B9D2: variants seen among roughly 807,000 people sequenced by gnomAD.
B9D2 encodes B9 domain containing 2.
A neutral mutation model predicts 19.2 loss-of-function variants in B9D2; 21 were observed. That is an observed-to-expected ratio of 1.09 (90% CI 0.78 to 1.58). The LOEUF (loss-of-function observed/expected upper bound fraction) is 1.58. Among genes scored for constraint, B9D2 ranks in the 40% most tolerant of loss-of-function variants. B9D2 has a pLI of 0.00. For synonymous variants in B9D2, 91 were observed against 100.6 expected (o/e 0.90, Z 0.57); for missense variants, 221 against 244.3 (o/e 0.90, Z 0.64).
In B9D2 at chr19:41,354,683, G is replaced by A. The variant is rs763605379; in HGVS notation, c.*17C>T. On this transcript the variant is annotated 3_prime_UTR_variant, in exon 4 of 4. Transcript: ENST00000243578. ...TGTCCGGGGTGTGGATGGTGGTGAC[G>A]TTGGAGGCAGAGTCCCTCAGCACTC... The A allele has an allele frequency of 2.1e-5, 34 of 1,613,802 alleles. No homozygotes were observed. The highest frequency in any genetic ancestry group is 2.4e-5 in the Non-Finnish European group (28 of 1,179,972).
intron 2 of B9D2, among the ~76,000 whole-genome samples, chr19:41,360,631 G>A (rs900415481): frequency 6.6e-6 from 1 of 151,888 alleles, no homozygotes; most frequent in Admixed American, 6.6e-5. Context: ...TCAGCCTCTC[G>A]AGTAGCTGGG....
chr19:41,363,287 A>G, intron 2 of B9D2, 145 bp downstream of exon 2: 2 of 803,930 alleles, frequency 2.5e-6, no homozygotes, highest in Non-Finnish European at 2.1e-6. Context: ...CTTGAGACTC[A>G]TGTGGACAGG....
At chr19:41,359,878 CCCCT>C (rs1415914239) in intron 2 of B9D2, among the ~76,000 whole-genome samples, 2 of 151,964 alleles carry the variant, frequency 1.3e-5, no homozygotes, top group Non-Finnish European at 2.9e-5. Flanking sequence ...GGCTCTTGCT[CCCCT>C]CCCTGAGTTC....
In B9D2 at chr19:41,357,872, A is replaced by C. The variant is rs11668109; in HGVS notation, c.214+25T>G. The C allele has an allele frequency of 0.66, 1,067,234 of 1,612,956 alleles. 362,400 individuals carry two copies. The highest frequency in any genetic ancestry group is 0.71 in the African/African-American group (52,937 of 74,912). On this transcript the variant is annotated intron_variant, in intron 3 of 3. Coordinates refer to ENST00000243578, the MANE Select transcript of B9D2 (RefSeq NM_030578.4). The stretch of plus-strand genomic sequence containing the variant: ...TACTGGCCCCCTCCCCTCAGCCTGG[A>C]CCCGGGTCCAGGTGTGATACCCACC...
Position 41,355,138 on chromosome 19 carries a change from A to C in B9D2, c.215-125T>G, listed in dbSNP as rs1005127472. On this transcript the variant is annotated intron_variant, in intron 3 of 3. Transcript: ENST00000243578. ...CTTTTCCTCTCTGGGTTTCTGTCCCAGAGTTTCCAACCCAGCCTCCTTTCT... is the reference window on the plus strand; with the variant it reads ...CTTTTCCTCTCTGGGTTTCTGTCCCCGAGTTTCCAACCCAGCCTCCTTTCT... 7 of 1,040,784 alleles carry C rather than the reference A, an allele frequency of 6.7e-6. No individual in the cohort carries two copies. The South Asian group carries it at 1.2e-4, about 18-fold the overall frequency. The allele number at this position is 1,040,784 out of a possible 1,614,324, so 64.5% of individuals were successfully genotyped here.
chr19:41,362,258 C>T (rs1386985925), intron 2 of B9D2, among the ~76,000 whole-genome samples: 20 of 149,612 alleles, frequency 1.3e-4, no homozygotes, highest in African/African-American at 4.7e-4. Flanking sequence ...GGCATGGTGG[C>T]GAGCGCCTGT....
At position 41,361,526 on chromosome 19, in the gene B9D2, A is replaced by AGG. The variant is rs1312242222; in HGVS notation, c.88+1905_88+1906insCC. 6.8e-3 allele frequency among the ~76,000 whole-genome samples: 1,015 copies of AGG among 148,458 alleles called. 7 individuals carry two copies. The highest frequency in any genetic ancestry group is 0.022 in the African/African-American group (884 of 40,276). On this transcript the variant is annotated intron_variant, in intron 2 of 3. Coordinates refer to ENST00000243578, the MANE Select transcript of B9D2 (RefSeq NM_030578.4). The stretch of plus-strand genomic sequence containing the variant: ...CCAGGGGCCAGGCGCAGTGGCTCAC[A>AGG]CCTGTAATCCCAGCACTTTGGAAGG...
Position 41,363,434 on chromosome 19 carries a change from G to A in B9D2, c.86C>T (p.Thr29Ile). 2.5e-6 allele frequency: 4 copies of A among 1,614,076 alleles called. No individual in the cohort carries two copies. Among genetic ancestry groups the A allele is most frequent in the Non-Finnish European group, 3.4e-6 (4 of 1,179,950 alleles). The change falls in exon 2 of 4, where the codon ACA becomes ATA. Residue 29 changes from threonine (T) to isoleucine (I), a missense_variant and splice_region_variant. Physicochemically the swap from Thr to Ile is moderately conservative, Grantham distance 89. Transcript: ENST00000243578. Reference sequence around the variant, plus strand: ...ATGAACCAGGCTTGGGGGAATACCTGTGTGAATGCCCCACTTGCAGAAGAG... The same window carrying A: ...ATGAACCAGGCTTGGGGGAATACCTATGTGAATGCCCCACTTGCAGAAGAG... ...SSLFCKWGIH[T>I]GAAWKLLSGV...
Position 41,358,041 on chromosome 19 carries a change from C to A in B9D2, c.89-19G>T. 1 of 1,613,934 alleles carries A rather than the reference C, an allele frequency of 6.2e-7. No individual in the cohort carries two copies. The highest frequency in any genetic ancestry group is 8.5e-7 in the Non-Finnish European group (1 of 1,179,956). Reference sequence around the variant, plus strand: ...GCCGCCCCTGCAGTGAGAGCCGGGACATAGAGGGGTGGGAGGCAGCCATCG... The same window carrying A: ...GCCGCCCCTGCAGTGAGAGCCGGGAAATAGAGGGGTGGGAGGCAGCCATCG... On this transcript the variant is annotated intron_variant, in intron 2 of 3. Coordinates refer to ENST00000243578, the MANE Select transcript of B9D2 (RefSeq NM_030578.4).
Position 41,358,037 on chromosome 19 carries a change from G to A in B9D2, c.89-15C>T, listed in dbSNP as rs371483684. The A allele has an allele frequency of 3.9e-5, 63 of 1,613,942 alleles. No individual in the cohort carries two copies. Among genetic ancestry groups the A allele is most frequent in the South Asian group, 5.5e-5 (5 of 91,066 alleles). On this transcript the variant is annotated splice_polypyrimidine_tract_variant and intron_variant, in intron 2 of 3. Coordinates refer to ENST00000243578, the MANE Select transcript of B9D2 (RefSeq NM_030578.4). Reference sequence around the variant, plus strand: ...CCATGCCGCCCCTGCAGTGAGAGCCGGGACATAGAGGGGTGGGAGGCAGCC... The same window carrying A: ...CCATGCCGCCCCTGCAGTGAGAGCCAGGACATAGAGGGGTGGGAGGCAGCC...
At position 41,354,499 on chromosome 19, in the gene B9D2, C is replaced by A. The variant is rs2038272111; in HGVS notation, c.*201G>T. ...TCACTCAACACCCTGCGACCCCATACATTTACTGTCCCCAATTTACAGATA... is the reference window on the plus strand; with the variant it reads ...TCACTCAACACCCTGCGACCCCATAAATTTACTGTCCCCAATTTACAGATA... On this transcript the variant is annotated 3_prime_UTR_variant, in exon 4 of 4. Transcript: ENST00000243578. 1.4e-6 allele frequency: 1 copy of A among 691,364 alleles called. No individual in the cohort carries two copies. The highest frequency in any genetic ancestry group is 2.5e-6 in the Non-Finnish European group (1 of 400,164). 42.8% of individuals were successfully genotyped at this position (691,364 alleles called of 1,614,324 possible).
At chr19:41,359,110 G>A (rs2038363006) in intron 2 of B9D2, among the ~76,000 whole-genome samples, 2 of 152,012 alleles carry the variant, frequency 1.3e-5, no homozygotes, top group African/African-American at 2.4e-5. Flanking sequence ...TCCAGCTGGT[G>A]TGACACAGTG....
chr19:41,360,655 G>A (rs907756919), intron 2 of B9D2, among the ~76,000 whole-genome samples: 2 of 149,896 alleles, frequency 1.3e-5, no homozygotes, highest in African/African-American at 2.5e-5. Flanking sequence ...ACAGGCACAC[G>A]CCGCCATGCC....
chr19:41,357,790 G>A (rs541603457), intron 3 of B9D2, 107 bp downstream of exon 3: 149 of 1,513,412 alleles, frequency 9.8e-5, no homozygotes, highest in Admixed American at 8.8e-4. Context: ...AGGGACCTAC[G>A]TGGTATGGGG....
Position 41,364,112 on chromosome 19 carries a change from C to T in B9D2, c.-159G>A, listed in dbSNP as rs2038468791. ...GCGAGATATGTAAGCCGCGATACTT[C>T]CGCGACCGCGCTCGTCTTGGTTTCC... On this transcript the variant is annotated 5_prime_UTR_variant, in exon 1 of 4. Coordinates refer to ENST00000243578, the MANE Select transcript of B9D2 (RefSeq NM_030578.4). 6.1e-6 allele frequency: 1 copy of T among 164,332 alleles called. No homozygotes were observed. Among genetic ancestry groups the T allele is most frequent in the Non-Finnish European group, 1.4e-5 (1 of 73,664 alleles). 10.2% of individuals were successfully genotyped at this position (164,332 alleles called of 1,614,324 possible). A position where few individuals can be genotyped will look rare whatever the true frequency, so the allele number is the denominator to read the frequency against.
chr19:41,360,735 C>T (rs1170443747), intron 2 of B9D2, among the ~76,000 whole-genome samples: 3 of 152,170 alleles, frequency 2.0e-5, no homozygotes, highest in Non-Finnish European at 4.4e-5. Flanking sequence ...TCTCAAACTC[C>T]TGACCTCAGG....
chr19:41,354,754 G>C lies in B9D2; in HGVS notation c.474C>G (p.His158Gln). 2.5e-6 allele frequency: 4 copies of C among 1,614,012 alleles called. No individual in the cohort carries two copies. The highest frequency in any genetic ancestry group is 3.4e-6 in the Non-Finnish European group (4 of 1,180,036). ...TGCGGAGCAGCAGGCCGATCTCCAG[G>C]TGCACGGTGCCACCAGCAGCTGTGT... ...RLHTAAGGTV[H>Q]LEIGLLLRNF... The change falls in exon 4 of 4, where the codon CAC becomes CAG. Residue 158 changes from histidine to glutamine, a missense_variant. Transcript: ENST00000243578.
chr19:41,355,983 G>C (rs1036529205), intron 3 of B9D2, among the ~76,000 whole-genome samples: 1 of 152,196 alleles, frequency 6.6e-6, no homozygotes, highest in Non-Finnish European at 1.5e-5. Context: ...GGGGGGGACT[G>C]TCTGGTGGGG....
chr19:41,363,256 TCACA>T (rs2038442838), intron 2 of B9D2, among the ~76,000 whole-genome samples, 172 bp downstream of exon 2: 1 of 151,832 alleles, frequency 6.6e-6, no homozygotes, highest in African/African-American at 2.4e-5. Flanking sequence ...ATCCCACCCC[TCACA>T]CACACAAAGA....
Sources: gnomAD v4.1 joint callset for allele counts (sites outside exome capture counted in the v4.1 genomes callset) on GRCh38, gnomAD v4.1.1 for gene constraint, MANE v1.5 for transcripts, NCBI Gene and HGNC (gene_info 2026-07-23, HGNC 2026-07-21) for gene names.